Variants in CCDC91 observed in about 807,000 individuals in gnomAD.
CCDC91 encodes the protein coiled-coil domain-containing protein 91.
A neutral mutation model predicts 63.2 loss-of-function variants in CCDC91; 48 were observed. That is an observed-to-expected ratio of 0.76 (90% CI 0.60 to 0.97). The LOEUF (loss-of-function observed/expected upper bound fraction) is 0.97, where lower values mean the gene tolerates loss of function less well. Among genes scored for constraint, CCDC91 ranks in the 50% least tolerant of loss-of-function variants. The probability of loss-of-function intolerance (pLI) is 0.00; values close to 1 mark genes in which losing one functional copy is unlikely to be tolerated. For synonymous variants in CCDC91, 167 were observed against 165.8 expected (o/e 1.01, Z -0.06); for missense variants, 500 against 494.6 (o/e 1.01, Z -0.10).
At chr12:28,328,085 C>T (rs1941178466) in intron 6 of CCDC91, among the ~76,000 whole-genome samples, 1 of 152,114 alleles carries the variant, frequency 6.6e-6, no homozygotes, top group Admixed American at 6.6e-5. Context: ...CCTTTCAGGG[C>T]ATCACAGTTT....
chr12:28,300,621 G>T (rs565355246), intron 3 of CCDC91, among the ~76,000 whole-genome samples: 1 of 151,354 alleles, frequency 6.6e-6, no homozygotes, highest in Non-Finnish European at 1.5e-5. Flanking sequence ...CTTTTTTAAT[G>T]TCACATTTAA....
At chr12:28,443,669 G>A (rs1398447598) in intron 8 of CCDC91, among the ~76,000 whole-genome samples, 1 of 152,106 alleles carries the variant, frequency 6.6e-6, no homozygotes, top group East Asian at 1.9e-4. Context: ...AGAGCCATTA[G>A]CACTGAGACT....
intron 3 of CCDC91, among the ~76,000 whole-genome samples, chr12:28,263,073 C>T (rs188524841): frequency 3.7e-4 from 56 of 152,062 alleles, no homozygotes; most frequent in Admixed American, 3.1e-3. Flanking sequence ...TTACTTACCT[C>T]ATCTTCCATC....
At chr12:28,535,447 T>C (rs1352111051) in intron 12 of CCDC91, among the ~76,000 whole-genome samples, 4 of 152,206 alleles carry the variant, frequency 2.6e-5, no homozygotes, top group South Asian at 2.1e-4. Context: ...ACAAAGAGTT[T>C]CAGTGCATTT....
At chr12:28,204,020 A>G (rs576369602) in intron 1 of CCDC91, among the ~76,000 whole-genome samples, 1 of 152,308 alleles carries the variant, frequency 6.6e-6, no homozygotes, top group African/African-American at 2.4e-5. Context: ...GAAAATGTCT[A>G]GACATGTATT....
At chr12:28,340,965 G>C (rs1017534521) in intron 6 of CCDC91, among the ~76,000 whole-genome samples, 4 of 152,144 alleles carry the variant, frequency 2.6e-5, no homozygotes, top group African/African-American at 9.7e-5. Context: ...TTCAGCAGAT[G>C]GGGTAGCCAG....
chr12:28,321,210 TG>T (rs1940464787), intron 6 of CCDC91, among the ~76,000 whole-genome samples: 1 of 151,894 alleles, frequency 6.6e-6, no homozygotes, highest in Admixed American at 6.6e-5. Context: ...AGCCTTTTTC[TG>T]ACCCTTCTGG....
At chr12:28,433,444 A>G (rs1948736774) in intron 8 of CCDC91, among the ~76,000 whole-genome samples, 1 of 151,936 alleles carries the variant, frequency 6.6e-6, no homozygotes, top group South Asian at 2.1e-4. Context: ...GGATGTTCAG[A>G]TGTTCTAGCA....
intron 7 of CCDC91, among the ~76,000 whole-genome samples, chr12:28,377,654 C>G (rs1206860505): frequency 6.6e-6 from 1 of 151,842 alleles, no homozygotes; most frequent in East Asian, 1.9e-4. Context: ...ATCATCTTCT[C>G]AAACTCTAGG....
At chr12:28,401,338 A>T (rs1946610732) in intron 8 of CCDC91, among the ~76,000 whole-genome samples, 1 of 152,158 alleles carries the variant, frequency 6.6e-6, no homozygotes, top group Non-Finnish European at 1.5e-5. Context: ...AGCCCCTTAT[A>T]AAACCATCAG....
chr12:28,335,288 A>G (rs1297356770), intron 6 of CCDC91, among the ~76,000 whole-genome samples: 3 of 137,752 alleles, frequency 2.2e-5, no homozygotes, highest in Admixed American at 7.8e-5. Context: ...TACATATTAT[A>G]TATAATATAA....
At chr12:28,356,150 C>T (rs1943510688) in intron 6 of CCDC91, among the ~76,000 whole-genome samples, 2 of 152,038 alleles carry the variant, frequency 1.3e-5, no homozygotes, top group South Asian at 4.1e-4. Context: ...AGAAATGAGA[C>T]AATGTAGAGG....
intron 1 of CCDC91, among the ~76,000 whole-genome samples, chr12:28,218,944 A>G (rs1457080315): frequency 1.3e-5 from 2 of 152,112 alleles, no homozygotes; most frequent in Admixed American, 1.3e-4. Context: ...ATGTGGACAT[A>G]TGTTTTCTCT....
intron 12 of CCDC91, among the ~76,000 whole-genome samples, chr12:28,538,958 G>GT (rs942268914): frequency 2.0e-5 from 3 of 152,072 alleles, no homozygotes; most frequent in African/African-American, 7.2e-5. Context: ...GGGGTTGTTT[G>GT]TTTTTTTCTT....
intron 12 of CCDC91, among the ~76,000 whole-genome samples, chr12:28,544,890 T>C (rs1942879547): frequency 6.6e-6 from 1 of 152,004 alleles, no homozygotes; most frequent in South Asian, 2.1e-4. Flanking sequence ...ATACATGAAA[T>C]TATTAAGAAG....
intron 6 of CCDC91, among the ~76,000 whole-genome samples, chr12:28,352,760 T>G (rs1465659466): frequency 1.4e-5 from 2 of 147,938 alleles, no homozygotes; most frequent in African/African-American, 2.5e-5. Context: ...TGTGCTGTCA[T>G]CCACGCTTTG....
At chr12:28,331,201 G>A (rs1467638548) in intron 6 of CCDC91, among the ~76,000 whole-genome samples, 2 of 152,088 alleles carry the variant, frequency 1.3e-5, no homozygotes, top group Non-Finnish European at 2.9e-5. Flanking sequence ...TAATAAAAAC[G>A]GATGGAACTA....
In CCDC91 at chr12:28,202,865, A is replaced by G. The variant is rs189612453; in HGVS notation, c.-15+12224A>G. Among the ~76,000 whole-genome samples the G allele has an allele frequency of 4.6e-5, 7 of 152,324 alleles. No individual in the cohort carries two copies. In the South Asian group the frequency reaches 8.3e-4, roughly 18 times the overall value. On this transcript the variant is annotated intron_variant, in intron 1 of 12. Coordinates refer to ENST00000536442, the MANE Select transcript of CCDC91 (RefSeq NM_018318.5). ...TCTGGTCAGCTTGTTGTTTGCCCCA[A>G]CTGTTACTGCCACCTCAGGCAAGCT...
chr12:28,483,597 G>A (rs1951560048), intron 11 of CCDC91, among the ~76,000 whole-genome samples: 1 of 152,026 alleles, frequency 6.6e-6, no homozygotes, highest in East Asian at 1.9e-4. Context: ...CTGGCAAGAG[G>A]ACCAAACTAG....
Sources: gnomAD v4.1 joint callset for allele counts (sites outside exome capture counted in the v4.1 genomes callset) on GRCh38, gnomAD v4.1.1 for gene constraint, MANE v1.5 for transcripts, NCBI Gene and HGNC (gene_info 2026-07-23, HGNC 2026-07-21) for gene names.